The following DSTYK variants were observed in gnomAD, a reference collection of about 807,000 sequenced individuals.
DSTYK encodes the protein RIP-homologous kinase.
DSTYK carries 34 observed loss-of-function variants against 98.7 expected under a neutral mutation model. The observed-to-expected ratio is 0.34, with a 90% confidence interval of 0.26 to 0.46. The LOEUF (loss-of-function observed/expected upper bound fraction) is 0.46, where lower values mean the gene tolerates loss of function less well. Ranked by LOEUF, DSTYK falls within the 20% of genes least tolerant of loss-of-function variation. The probability of loss-of-function intolerance (pLI) is 1.00; values close to 1 mark genes in which losing one functional copy is unlikely to be tolerated. For synonymous variants in DSTYK, 462 were observed against 457.3 expected (o/e 1.01, Z -0.13); for missense variants, 962 against 1,181.7 (o/e 0.81, Z 2.73).
rs1382148045 is a variant in DSTYK, at chr1:205,169,173, C to T, written c.1314G>A (p.Met438Ile). The T allele has an allele frequency of 6.3e-7, 1 of 1,595,354 alleles. No homozygotes were observed. Among genetic ancestry groups the T allele is most frequent in the Non-Finnish European group, 8.5e-7 (1 of 1,170,544 alleles). Residue 438 changes from methionine (M) to isoleucine (I), a missense_variant, in exon 3 of 13, where the codon ATG (methionine) becomes ATA (isoleucine). By Grantham distance (10) the Met-to-Ile change is conservative. Transcript: ENST00000367162. The surrounding 1 kb of genome is among the most constrained non-coding windows in gnomAD (Gnocchi z 4.0). Reference sequence around the variant, plus strand: ...CTCTCTGGGACCTACCTTTAAACTCCATGTTAGTAGCATCATCCAGAAGTT... The same window carrying T: ...CTCTCTGGGACCTACCTTTAAACTCTATGTTAGTAGCATCATCCAGAAGTT... ...KEELLDDATNMEFKDVIVPEN... is the reference protein window; with the variant it reads ...KEELLDDATNIEFKDVIVPEN...
intron 1 of DSTYK, among the ~76,000 whole-genome samples, chr1:205,209,328 T>C (rs1574808951): frequency 6.6e-6 from 1 of 152,180 alleles, no homozygotes; most frequent in Non-Finnish European, 1.5e-5. Context: ...AAAGCACTGT[T>C]ATGGGTGCGG....
chr1:205,200,978 T>C (rs975304837), intron 1 of DSTYK, among the ~76,000 whole-genome samples: 1 of 152,118 alleles, frequency 6.6e-6, no homozygotes, highest in African/African-American at 2.4e-5. Flanking sequence ...CAATCTTGGC[T>C]CACTGCAACC....
Position 205,162,103 on chromosome 1 carries a change from C to T in DSTYK, c.1751G>A (p.Ser584Asn), listed in dbSNP as rs374748923. The T allele has an allele frequency of 6.2e-7, 1 of 1,614,140 alleles. No individual in the cohort carries two copies. Among genetic ancestry groups the T allele is most frequent in the Non-Finnish European group, 8.5e-7 (1 of 1,180,022 alleles). Residue 584 changes from serine to asparagine, a missense_variant, in exon 6 of 13, where the codon AGC becomes AAC. Around this residue, in one of 4 missense-constraint regions of DSTYK, gnomAD observed 660 missense variants for 855.0 expected, o/e 0.77. Transcript: ENST00000367162. ...ESLSASKLAKSICSQFRTRLN... is the reference protein window; with the variant it reads ...ESLSASKLAKNICSQFRTRLN... ...CCGAGTCCGGAATTGGCTGCAAATG[C>T]TCTTAGCCAATTTGGAGGCGCTGAG...
Position 205,163,748 on chromosome 1 carries a change from T to C in DSTYK, c.1532A>G (p.His511Arg), listed in dbSNP as rs753615046. Residue 511 changes from histidine (H) to arginine (R), a missense_variant, in exon 4 of 13, where the codon CAC becomes CGC. Transcript: ENST00000367162. ...SLEKSQDVSV[H>R]ITSNYLKQIL... The stretch of plus-strand genomic sequence containing the variant: ...CTGTTTGAGATAATTACTGGTGATG[T>C]GAACTGAGACATCCTGAGACTTCTC... The C allele has an allele frequency of 6.2e-6, 10 of 1,614,132 alleles. No individual in the cohort carries two copies. In the East Asian group the frequency reaches 2.0e-4, roughly 32 times the overall value.
At chr1:205,181,655 T>TGGG in intron 2 of DSTYK, among the ~76,000 whole-genome samples, 1 of 112,944 alleles carries the variant, frequency 8.9e-6, no homozygotes, top group South Asian at 3.8e-4. Context: ...GATGTTGGGG[T>TGGG]TTGTGTGTGT....
At chr1:205,190,047 A>G (rs1477350977) in intron 1 of DSTYK, among the ~76,000 whole-genome samples, 2 of 152,190 alleles carry the variant, frequency 1.3e-5, no homozygotes, top group Admixed American at 1.3e-4. Flanking sequence ...CTTATTCTCA[A>G]CTGCAGAACA....
chr1:205,160,524 C>T (rs538713373), intron 7 of DSTYK, among the ~76,000 whole-genome samples: 60 of 147,752 alleles, frequency 4.1e-4, no homozygotes, highest in African/African-American at 1.3e-3. Context: ...TTATTAGAGA[C>T]GGGGTTTTGC....
Position 205,147,268 on chromosome 1 carries a change from C to A in DSTYK, c.*290G>T. On this transcript the variant is annotated 3_prime_UTR_variant, in exon 13 of 13. Transcript: ENST00000367162. ...GTGAAAAGACAATGGTAACATCTGC[C>A]TCCTTTTCATTTGTGAAGCCAGAAC... The A allele has an allele frequency of 3.6e-6, 1 of 281,110 alleles. No homozygotes were observed. Among genetic ancestry groups the A allele is most frequent in the Non-Finnish European group, 6.8e-6 (1 of 147,528 alleles). The allele number at this position is 281,110 out of a possible 1,614,324, so 17.4% of individuals were successfully genotyped here.
At chr1:205,163,652 A>C in intron 4 of DSTYK, 71 bp downstream of exon 4, 1 of 1,248,514 alleles carries the variant, frequency 8.0e-7, no homozygotes, top group Non-Finnish European at 1.1e-6. Flanking sequence ...GCCTAATTTG[A>C]AGTGTGGACT....
intron 1 of DSTYK, among the ~76,000 whole-genome samples, chr1:205,210,148 C>T (rs1443916484): frequency 6.6e-6 from 1 of 152,062 alleles, no homozygotes; most frequent in Non-Finnish European, 1.5e-5. Context: ...GTGATCCGCC[C>T]CGCCTCTGCC....
intron 10 of DSTYK, among the ~76,000 whole-genome samples, chr1:205,155,683 GA>G (rs918091999): frequency 9.5e-5 from 14 of 147,250 alleles, no homozygotes; most frequent in Admixed American, 2.7e-4. Context: ...AAAAAGAAAG[GA>G]AAAAAAAAAG....
At chr1:205,207,406 T>C (rs924060613) in intron 1 of DSTYK, among the ~76,000 whole-genome samples, 1 of 151,736 alleles carries the variant, frequency 6.6e-6, no homozygotes, top group Admixed American at 6.6e-5. Flanking sequence ...ATTGAGAGGC[T>C]TATGACAAAT....
At chr1:205,200,193 C>T (rs1041694448) in intron 1 of DSTYK, among the ~76,000 whole-genome samples, 21 of 151,908 alleles carry the variant, frequency 1.4e-4, no homozygotes, top group Non-Finnish European at 2.2e-4. Context: ...CCTACCACCG[C>T]GACCAGATGA....
intron 1 of DSTYK, among the ~76,000 whole-genome samples, chr1:205,200,004 C>G (rs1189932303): frequency 1.3e-5 from 2 of 152,000 alleles, no homozygotes; most frequent in African/African-American, 4.8e-5. Context: ...TGATTTTCCT[C>G]TACTGTCAGA....
intron 9 of DSTYK, among the ~76,000 whole-genome samples, chr1:205,158,253 A>G (rs911560110): frequency 6.6e-6 from 1 of 152,092 alleles, no homozygotes; most frequent in Non-Finnish European, 1.5e-5. Flanking sequence ...TTTCTTCATC[A>G]TATTGATTCC....
chr1:205,191,312 G>A (rs1658707112), intron 1 of DSTYK, among the ~76,000 whole-genome samples: 1 of 152,172 alleles, frequency 6.6e-6, no homozygotes, highest in Non-Finnish European at 1.5e-5. Flanking sequence ...GGCATGGAGA[G>A]AAATGAAGTT....
At chr1:205,191,572 G>A (rs1002440732) in intron 1 of DSTYK, among the ~76,000 whole-genome samples, 1 of 152,198 alleles carries the variant, frequency 6.6e-6, no homozygotes, top group Non-Finnish European at 1.5e-5. Context: ...ACTGCTGAAA[G>A]ACCAATGATG....
At chr1:205,156,745 G>T (rs543359183) in intron 10 of DSTYK, among the ~76,000 whole-genome samples, 30 of 152,288 alleles carry the variant, frequency 2.0e-4, no homozygotes, top group African/African-American at 6.7e-4. Flanking sequence ...AGGCATGATT[G>T]TGTTTTGAAA....
chr1:205,164,442 A>G (rs1249308282), intron 3 of DSTYK, among the ~76,000 whole-genome samples: 1 of 151,132 alleles, frequency 6.6e-6, no homozygotes, highest in Non-Finnish European at 1.5e-5. Context: ...ATAAGTCTAG[A>G]ATGAGACTGT....
Sources: allele counts gnomAD v4.1 joint callset (sites outside exome capture counted in the v4.1 genomes callset), GRCh38; gene constraint gnomAD v4.1.1; regional missense constraint gnomAD v4.1.1; non-coding constraint Gnocchi (gnomAD v3.1); transcripts MANE v1.5; gene names NCBI Gene and HGNC (gene_info 2026-07-23, HGNC 2026-07-21).